XYLB: variants seen among roughly 807,000 people sequenced by gnomAD.
XYLB encodes xylulose kinase.
Under a neutral mutation model 78.7 loss-of-function variants are expected in XYLB, and 62 were observed. That is an observed-to-expected ratio of 0.79 (90% CI 0.64 to 0.97). The LOEUF (loss-of-function observed/expected upper bound fraction) is 0.97, where lower values mean the gene tolerates loss of function less well. XYLB is among the 50% of genes least tolerant of loss of function. The pLI is 0.00. For missense variants in XYLB, 687 were observed against 676.8 expected, an observed-to-expected ratio of 1.02 and a Z score of -0.17; for synonymous variants, 245 against 247.4, an observed-to-expected ratio of 0.99 and a Z score of 0.09.
intron 9 of XYLB, 27 bp from the exon 10 acceptor site, chr3:38,372,628 C>T: frequency 1.2e-6 from 2 of 1,613,968 alleles, no homozygotes; most frequent in East Asian, 4.5e-5. Flanking sequence ...CTCAACAGAG[C>T]ACCTTTGCTT....
the XYLB span, among the ~76,000 whole-genome samples, chr3:38,427,774 G>T: frequency 6.6e-5 from 10 of 152,032 alleles, no homozygotes; most frequent in African/African-American, 2.4e-4. Flanking sequence ...TGTATTTTTA[G>T]TAGAGACAGG....
At chr3:38,393,322 T>A (rs1167614787) in intron 15 of XYLB, among the ~76,000 whole-genome samples, 1 of 152,140 alleles carries the variant, frequency 6.6e-6, no homozygotes, top group Non-Finnish European at 1.5e-5. Flanking sequence ...TTTTAAATAG[T>A]TTTTATAGAA....
chr3:38,379,192 C>A, intron 14 of XYLB, 54 bp from the exon 15 acceptor site: 2 of 1,560,384 alleles, frequency 1.3e-6, no homozygotes, highest in Non-Finnish European at 1.8e-6. Flanking sequence ...CACATACACA[C>A]ACGAATGGAC....
intron 17 of XYLB, among the ~76,000 whole-genome samples, chr3:38,398,641 TCTGCCTGCCTGCCTGCCTGC>T (rs544081780): frequency 3.3e-5 from 5 of 149,430 alleles, no homozygotes; most frequent in African/African-American, 1.2e-4. Flanking sequence ...TACCTATGAG[TCTGCCTGCCTGCCTGCCTGC>T]CTGCCTGCCT....
chr3:38,420,914 C>T (rs1484088843), downstream of XYLB, among the ~76,000 whole-genome samples: 6 of 152,176 alleles, frequency 3.9e-5, no homozygotes, highest in African/African-American at 7.2e-5. Flanking sequence ...CACCTGGCCC[C>T]GCCCGGAGCA....
At chr3:38,410,061 A>G (rs1708507832) in intron 18 of XYLB, among the ~76,000 whole-genome samples, 1 of 152,224 alleles carries the variant, frequency 6.6e-6, no homozygotes, top group African/African-American at 2.4e-5. Context: ...ACCAAAAAAG[A>G]GCCCGCATCG....
At chr3:38,440,669 G>C in the XYLB span, among the ~76,000 whole-genome samples, 1 of 152,184 alleles carries the variant, frequency 6.6e-6, no homozygotes, top group Non-Finnish European at 1.5e-5. Context: ...CTACGCTCTT[G>C]GTTACACTGA....
At chr3:38,380,214 T>A (rs775472699) in intron 15 of XYLB, among the ~76,000 whole-genome samples, 2 of 152,176 alleles carry the variant, frequency 1.3e-5, no homozygotes, top group Admixed American at 1.3e-4. Flanking sequence ...AGCTTCAACA[T>A]GAGTTTTGGA....
chr3:38,348,591 T>C lies in XYLB; in HGVS notation c.99T>C (p.Tyr33=). 6.2e-7 allele frequency: 1 copy of C among 1,614,210 alleles called. No individual in the cohort carries two copies. The highest frequency in any genetic ancestry group is 8.5e-7 in the Non-Finnish European group (1 of 1,180,032). ...TTGATGCAGAGTTGAATGTCTTCTA[T>C]GAGGAAAGTGTGCATTTTGACAGAG... is the stretch of plus-strand genomic sequence containing the variant. ...VAVDAELNVF[Y]EESVHFDRDL... is the part of the protein sequence containing the mutation. Residue 33 remains tyrosine (Y), a synonymous_variant, in exon 2 of 19, where the codon TAT becomes TAC. Transcript: ENST00000207870.
intron 12 of XYLB, 112 bp from the exon 13 acceptor site, chr3:38,376,005 G>A: frequency 2.7e-6 from 2 of 753,080 alleles, no homozygotes; most frequent in Non-Finnish European, 4.8e-6. Context: ...CTGACTAGGG[G>A]TCGTGGTCCA....
the XYLB span, among the ~76,000 whole-genome samples, chr3:38,445,123 C>T: frequency 6.6e-6 from 1 of 152,064 alleles, no homozygotes; most frequent in East Asian, 1.9e-4. Context: ...GATGATATTC[C>T]CCAAAAATGG....
intron 15 of XYLB, 147 bp downstream of exon 15, chr3:38,379,489 T>A: frequency 1.3e-6 from 1 of 741,182 alleles, no homozygotes; most frequent in Admixed American, 2.2e-5. Context: ...ACCTCAGGGA[T>A]GGGGTGAGAA....
chr3:38,423,097 G>A (rs1709030042), downstream of XYLB, among the ~76,000 whole-genome samples: 1 of 152,064 alleles, frequency 6.6e-6, no homozygotes, highest in South Asian at 2.1e-4. Flanking sequence ...TCTTAAGATG[G>A]AGTCTCGCTC....
At chr3:38,423,122 G>T (rs1323273592), downstream of XYLB, among the ~76,000 whole-genome samples, 1 of 152,106 alleles carries the variant, frequency 6.6e-6, no homozygotes, top group African/African-American at 2.4e-5. Context: ...GCCCAGGCTG[G>T]AGTGCAGTGG....
downstream of XYLB, among the ~76,000 whole-genome samples, chr3:38,423,063 C>G (rs1167347183): frequency 6.6e-6 from 1 of 152,036 alleles, no homozygotes; most frequent in Non-Finnish European, 1.5e-5. Flanking sequence ...ATTCTCCACT[C>G]TTTGTTATTA....
intron 15 of XYLB, among the ~76,000 whole-genome samples, chr3:38,394,805 C>T (rs767434418): frequency 4.6e-5 from 7 of 152,292 alleles, no homozygotes; most frequent in Middle Eastern, 3.4e-3. Flanking sequence ...GCTTGACTGA[C>T]GCTGGAGGAT....
At chr3:38,375,811 C>G (rs1706822510) in intron 12 of XYLB, among the ~76,000 whole-genome samples, 1 of 152,156 alleles carries the variant, frequency 6.6e-6, no homozygotes, top group Non-Finnish European at 1.5e-5. Context: ...CCCTCCCTGC[C>G]TCATTGTGCC....
At chr3:38,360,065 C>T (rs1185663921) in intron 2 of XYLB, among the ~76,000 whole-genome samples, 1 of 152,176 alleles carries the variant, frequency 6.6e-6, no homozygotes, top group Non-Finnish European at 1.5e-5. Flanking sequence ...TCCAACACTG[C>T]ACTCCCCTAG....
At position 38,414,026 on chromosome 3, in the gene XYLB, C is replaced by G. The variant is rs1708705666; in HGVS notation, c.*1013C>G. 6.6e-6 allele frequency: 1 copy of G among 151,968 alleles called. No homozygotes were observed. Among genetic ancestry groups the G allele is most frequent in the Non-Finnish European group, 1.5e-5 (1 of 68,014 alleles). 9.4% of individuals were successfully genotyped at this position (151,968 alleles called of 1,614,324 possible). A position where few individuals can be genotyped will look rare whatever the true frequency, so the allele number is the denominator to read the frequency against. On this transcript the variant is annotated 3_prime_UTR_variant, in exon 19 of 19. Coordinates refer to ENST00000207870, the MANE Select transcript of XYLB (RefSeq NM_005108.4). ...TTATCCCTCCTGTTTTACTTTATAC[C>G]TCTCTATTCCTTGCTCAAATTATTG...
Sources: gnomAD v4.1 joint callset for allele counts (sites outside exome capture counted in the v4.1 genomes callset) on GRCh38, gnomAD v4.1.1 for gene constraint, MANE v1.5 for transcripts, NCBI Gene and HGNC (gene_info 2026-07-23, HGNC 2026-07-21) for gene names.